Variants in RAD17 observed in about 807,000 individuals in gnomAD.
The protein encoded by RAD17 is RAD17 checkpoint clamp loader component.
In RAD17, 31 loss-of-function variants were observed where a neutral mutation model predicts 81.5. The ratio of observed to expected loss-of-function variants is 0.38; its 90% CI spans 0.29 to 0.51. The LOEUF is 0.51. Among genes scored for constraint, RAD17 ranks in the 20% least tolerant of loss-of-function variants. The probability of loss-of-function intolerance (pLI) is 0.88; values close to 1 mark genes in which losing one functional copy is unlikely to be tolerated. For missense variants in RAD17, 681 were observed against 781.2 expected (o/e 0.87, Z 1.53); for synonymous variants, 261 against 266.2 (o/e 0.98, Z 0.19).
chr5:69,373,129 G>A (rs1360124091), intron 4 of RAD17, among the ~76,000 whole-genome samples: 1 of 152,102 alleles, frequency 6.6e-6, no homozygotes, highest in Non-Finnish European at 1.5e-5. Flanking sequence ...CCTGGCCAAG[G>A]CAGATATATT....
chr5:69,408,254 C>T (rs1032520569), intron 17 of RAD17, among the ~76,000 whole-genome samples: 17 of 151,786 alleles, frequency 1.1e-4, no homozygotes, highest in African/African-American at 4.1e-4. Context: ...AATATTGATT[C>T]TCCTCCTCTG....
Position 69,396,421 on chromosome 5 carries a change from A to G in RAD17, c.1447A>G (p.Ser483Gly). 1 of 1,612,878 alleles carries G rather than the reference A, an allele frequency of 6.2e-7. No individual in the cohort carries two copies. The highest frequency in any genetic ancestry group is 1.1e-5 in the South Asian group (1 of 90,906). The change falls in exon 16 of 19, where the codon AGC (serine) becomes GGC (glycine). Residue 483 changes from serine (S) to glycine (G), a missense_variant. By Grantham distance (56) the Ser-to-Gly change is moderately conservative. Transcript: ENST00000354868. ...WNTRSLLREYSTSIATRGVMH... is the reference protein window; with the variant it reads ...WNTRSLLREYGTSIATRGVMH... ...GACACGCTCTTTACTCAGGGAATAT[A>G]GCACATCTATAGCTACGAGAGGTGT... is the stretch of plus-strand genomic sequence containing the variant.
At chr5:69,412,982 C>T (rs1359156835) in intron 18 of RAD17, among the ~76,000 whole-genome samples, 13 of 38,724 alleles carry the variant, frequency 3.4e-4, no homozygotes, top group Admixed American at 3.2e-3. Flanking sequence ...GCAAGACTGT[C>T]TCAAAAAAAA....
intron 4 of RAD17, 53 bp downstream of exon 4, chr5:69,372,270 G>A (rs944516306): frequency 1.7e-5 from 24 of 1,373,144 alleles, no homozygotes; most frequent in Middle Eastern, 1.8e-4. Context: ...ATCCACTGCC[G>A]ATAATATTCC....
intron 13 of RAD17, among the ~76,000 whole-genome samples, chr5:69,392,440 G>A (rs1181539321): frequency 6.6e-6 from 1 of 152,144 alleles, no homozygotes; most frequent in East Asian, 1.9e-4. Context: ...TCCCCAACCA[G>A]AGATGTTTAT....
At chr5:69,374,185 C>G (rs1202883196) in intron 5 of RAD17, 98 bp downstream of exon 5, 4 of 1,095,706 alleles carry the variant, frequency 3.7e-6, no homozygotes, top group Non-Finnish European at 3.9e-6. Context: ...ATTTTTTACT[C>G]ATAAGAATCT....
intron 6 of RAD17, among the ~76,000 whole-genome samples, chr5:69,376,566 C>T (rs750026448): frequency 2.2e-4 from 34 of 152,176 alleles, no homozygotes; most frequent in Non-Finnish European, 4.1e-4. Flanking sequence ...ATCCCCTGCC[C>T]CAACACATGC....
In RAD17 at chr5:69,374,822, C is replaced by G. The variant is rs544946873; in HGVS notation, c.351+111C>G. The G allele has an allele frequency of 4.2e-5, 39 of 923,886 alleles. No individual in the cohort carries two copies. The African/African-American group carries it at 6.4e-4, about 15-fold the overall frequency. The allele number at this position is 923,886 out of a possible 1,614,324, so 57.2% of individuals were successfully genotyped here. A position where few individuals can be genotyped will look rare whatever the true frequency, so the allele number is the denominator to read the frequency against. The stretch of plus-strand genomic sequence containing the variant: ...GATTTTGTTCAAAATAAGTCTAGAT[C>G]TCCTGCAGTAGAAAGCTCCCTAGTG... On this transcript the variant is annotated intron_variant, in intron 6 of 18. Coordinates refer to ENST00000354868, the MANE Select transcript of RAD17 (RefSeq NM_133338.3).
Position 69,386,241 on chromosome 5 carries a change from GATA to G in RAD17, c.766_768del (p.Asn256del). 1 of 1,607,716 alleles carries G rather than the reference GATA, an allele frequency of 6.2e-7. No homozygotes were observed. On this transcript the variant is annotated inframe_deletion, in exon 10 of 19. Coordinates refer to ENST00000354868, the MANE Select transcript of RAD17 (RefSeq NM_133338.3). ...TATAATCTCGGACAGTCTCAGTGGA[GATA>G]ATAATCAAAGGTTATTGTTTCCCAA...
chr5:69,385,411 C>T (rs539438228), intron 8 of RAD17, among the ~76,000 whole-genome samples: 31 of 151,652 alleles, frequency 2.0e-4, no homozygotes, highest in African/African-American at 7.3e-4. Context: ...GTGGGGATTA[C>T]AGGAACCTGC....
upstream of RAD17, chr5:69,369,723 G>A (rs751599805): frequency 1.3e-6 from 2 of 1,549,968 alleles, no homozygotes; most frequent in South Asian, 1.2e-5. Context: ...CGGTACTTCG[G>A]GTCAGGCAGT....
In RAD17 at chr5:69,414,067, A is replaced by G; in HGVS notation, c.1788A>G (p.Gly596=). 6.2e-7 allele frequency: 1 copy of G among 1,614,222 alleles called. No homozygotes were observed. Among genetic ancestry groups the G allele is most frequent in the Non-Finnish European group, 8.5e-7 (1 of 1,180,020 alleles). ...AAGCCCTGACTGACAGGGAACATGG[A>G]ATGATAGACCCTGACAGCGGAGATG... ...KMEALTDREH[G]MIDPDSGDEA... The change falls in exon 19 of 19, where the codon GGA becomes GGG. Residue 596 remains glycine (G), a synonymous_variant. Coordinates refer to ENST00000354868, the MANE Select transcript of RAD17 (RefSeq NM_133338.3).
chr5:69,392,384 T>C (rs1235547655), intron 13 of RAD17, among the ~76,000 whole-genome samples: 1 of 152,172 alleles, frequency 6.6e-6, no homozygotes, highest in East Asian at 1.9e-4. Flanking sequence ...TAGTTTAAGG[T>C]TTCTTTCAAT....
chr5:69,375,982 G>A (rs1468931346), intron 6 of RAD17, among the ~76,000 whole-genome samples: 2 of 152,010 alleles, frequency 1.3e-5, no homozygotes, highest in Admixed American at 6.6e-5. Flanking sequence ...TAACTTATTC[G>A]TCTATCCTGC....
chr5:69,381,895 T>C lies in RAD17; in HGVS notation c.352-6T>C. 6.3e-7 allele frequency: 1 copy of C among 1,574,816 alleles called. No individual in the cohort carries two copies. On this transcript the variant is annotated splice_polypyrimidine_tract_variant and splice_region_variant and intron_variant, in intron 6 of 18. Transcript: ENST00000354868. ...GTTTTTAATTCATATTTGTATTTGA[T>C]TTTAGGGTGGATCTATTTTATTAAT...
chr5:69,393,627 G>T, intron 15 of RAD17, 127 bp downstream of exon 15: 1 of 875,532 alleles, frequency 1.1e-6, no homozygotes, highest in Non-Finnish European at 1.7e-6. Context: ...CTATGCTAAA[G>T]TTAATGTAAC....
At position 69,410,973 on chromosome 5, in the gene RAD17, A is replaced by G. The variant is rs1336683389; in HGVS notation, c.1751+423A>G. Among the ~76,000 whole-genome samples the G allele has an allele frequency of 4.2e-3, 594 of 141,176 alleles. 18 individuals are homozygous for G. Among genetic ancestry groups the G allele is most frequent in the African/African-American group, 0.014 (555 of 38,626 alleles). The allele number at this position is 141,176 out of a possible 152,430, so 92.6% of individuals were successfully genotyped here. On this transcript the variant is annotated intron_variant, in intron 18 of 18. Coordinates refer to ENST00000354868, the MANE Select transcript of RAD17 (RefSeq NM_133338.3). ...AAAAAATAGATGTCTGTCTATATAT[A>G]TATATATATATATATATATATATAC... is the stretch of plus-strand genomic sequence containing the variant.
chr5:69,400,498 G>A lies in RAD17; in HGVS notation c.1693+329G>A, dbSNP rs949382734. On this transcript the variant is annotated intron_variant, in intron 17 of 18. Coordinates refer to ENST00000354868, the MANE Select transcript of RAD17 (RefSeq NM_133338.3). ...CCCAGAGTGCTGGGATTACAGGTGT[G>A]AGCCACCGCACACGGCCAGAAGTAG... 3.3e-5 allele frequency among the ~76,000 whole-genome samples: 5 copies of A among 152,248 alleles called. No homozygotes were observed. The East Asian group carries it at 9.7e-4, about 29-fold the overall frequency.
chr5:69,369,666 G>A (rs970620391), upstream of RAD17: 1 of 1,558,074 alleles, frequency 6.4e-7, no homozygotes, highest in Non-Finnish European at 8.7e-7. Context: ...CCTGGCTTTC[G>A]ATGACACATT....
Sources: gnomAD v4.1 joint callset for allele counts (sites outside exome capture counted in the v4.1 genomes callset) on GRCh38, gnomAD v4.1.1 for gene constraint, MANE v1.5 for transcripts, NCBI Gene and HGNC (gene_info 2026-07-23, HGNC 2026-07-21) for gene names.